CPA6: variants seen among roughly 807,000 people sequenced by gnomAD.
CPA6 encodes carboxypeptidase A6.
Under a neutral mutation model 63.3 loss-of-function variants are expected in CPA6, and 58 were observed. The observed-to-expected ratio is 0.92, with a 90% CI of 0.74 to 1.14. CPA6 has a LOEUF of 1.14. Ranked by LOEUF, CPA6 falls within the 50% of genes most tolerant of loss-of-function variation. CPA6 has a pLI of 0.00. For missense variants in CPA6, 565 were observed against 526.6 expected, an observed-to-expected ratio of 1.07 and a Z score of -0.71; for synonymous variants, 185 against 179.0, an observed-to-expected ratio of 1.03 and a Z score of -0.27.
chr8:67,703,779 G>C (rs1431560790), intron 1 of CPA6, among the ~76,000 whole-genome samples: 1 of 152,162 alleles, frequency 6.6e-6, no homozygotes, highest in African/African-American at 2.4e-5. Context: ...CAGAACCCCA[G>C]CTCTGCCAGC....
intron 2 of CPA6, among the ~76,000 whole-genome samples, chr8:67,596,937 G>T (rs1267108904): frequency 6.6e-6 from 1 of 152,158 alleles, no homozygotes; most frequent in Non-Finnish European, 1.5e-5. Flanking sequence ...ATTACAAAGT[G>T]ATATGTCCTT....
At chr8:67,687,696 C>T (rs1232724634) in intron 1 of CPA6, among the ~76,000 whole-genome samples, 2 of 152,132 alleles carry the variant, frequency 1.3e-5, no homozygotes, top group African/African-American at 4.8e-5. Flanking sequence ...GATTCAGTTT[C>T]TGGCTCTTTC....
At chr8:67,513,187 A>G (rs887048184) in intron 3 of CPA6, among the ~76,000 whole-genome samples, 1 of 152,194 alleles carries the variant, frequency 6.6e-6, no homozygotes, top group Non-Finnish European at 1.5e-5. Flanking sequence ...TCTGAACACC[A>G]TCTGTATTAG....
chr8:67,607,805 A>G (rs1343433783), intron 2 of CPA6, among the ~76,000 whole-genome samples: 2 of 152,202 alleles, frequency 1.3e-5, no homozygotes. Flanking sequence ...TGCTAAGCTC[A>G]GGCTATACAC....
chr8:67,641,697 C>G (rs916416901), intron 1 of CPA6, among the ~76,000 whole-genome samples: 4 of 152,028 alleles, frequency 2.6e-5, no homozygotes, highest in Non-Finnish European at 5.9e-5. Flanking sequence ...GATGCTATGA[C>G]CATCGTTTGT....
intron 1 of CPA6, among the ~76,000 whole-genome samples, chr8:67,650,836 G>A (rs1815820397): frequency 6.6e-6 from 1 of 152,120 alleles, no homozygotes; most frequent in Admixed American, 6.6e-5. Flanking sequence ...TGCCAGCAGG[G>A]GACCACTTGG....
intron 1 of CPA6, among the ~76,000 whole-genome samples, chr8:67,687,884 G>A (rs1054930332): frequency 6.6e-6 from 1 of 152,156 alleles, no homozygotes; most frequent in African/African-American, 2.4e-5. Context: ...GCAAGGTTTT[G>A]TAAGATTTAA....
intron 1 of CPA6, among the ~76,000 whole-genome samples, chr8:67,651,974 T>C (rs1445836535): frequency 6.6e-6 from 1 of 151,342 alleles, no homozygotes; most frequent in Non-Finnish European, 1.5e-5. Flanking sequence ...TTCCCACCTA[T>C]GAGTGAGAAC....
chr8:67,525,378 T>TG (rs1812340339), intron 2 of CPA6, among the ~76,000 whole-genome samples: 1 of 152,160 alleles, frequency 6.6e-6, no homozygotes, highest in Non-Finnish European at 1.5e-5. Context: ...TAAAAATTGG[T>TG]GGGGGCCCAA....
chr8:67,449,284 A>G (rs1810502449), intron 8 of CPA6, among the ~76,000 whole-genome samples: 1 of 152,144 alleles, frequency 6.6e-6, no homozygotes, highest in South Asian at 2.1e-4. Context: ...GCATGTGTGG[A>G]TCAATTATTG....
At chr8:67,606,661 C>A (rs571893992) in intron 2 of CPA6, among the ~76,000 whole-genome samples, 2 of 152,174 alleles carry the variant, frequency 1.3e-5, no homozygotes, top group Non-Finnish European at 2.9e-5. Context: ...CCTGTCTCTG[C>A]GGGCATGACA....
intron 2 of CPA6, among the ~76,000 whole-genome samples, chr8:67,590,517 G>T (rs1208054383): frequency 6.6e-6 from 1 of 150,426 alleles, no homozygotes; most frequent in Non-Finnish European, 1.5e-5. Flanking sequence ...CAGTGTAAAA[G>T]TGTTCCTATT....
At chr8:67,742,823 G>GATGT (rs1817937502) in intron 1 of CPA6, among the ~76,000 whole-genome samples, 1 of 152,296 alleles carries the variant, frequency 6.6e-6, no homozygotes, top group East Asian at 1.9e-4. Context: ...GCTGACACAT[G>GATGT]AAGAAGGCAC....
chr8:67,453,371 G>A (rs994472565), intron 8 of CPA6, among the ~76,000 whole-genome samples: 1 of 152,198 alleles, frequency 6.6e-6, no homozygotes, highest in African/African-American at 2.4e-5. Context: ...GAAGGATGGA[G>A]TTGCCATCAA....
chr8:67,737,197 C>CG (rs1817829061), intron 1 of CPA6, among the ~76,000 whole-genome samples: 1 of 152,182 alleles, frequency 6.6e-6, no homozygotes, highest in Non-Finnish European at 1.5e-5. Context: ...CCTTCCCTCC[C>CG]GCCTCCTGAC....
intron 8 of CPA6, among the ~76,000 whole-genome samples, chr8:67,475,821 TC>T (rs1811181865): frequency 2.7e-5 from 1 of 37,726 alleles, no homozygotes; most frequent in Non-Finnish European, 4.8e-5. Flanking sequence ...TTCTTTCCTT[TC>T]TTTTCTTTCT....
intron 8 of CPA6, among the ~76,000 whole-genome samples, chr8:67,436,166 C>T (rs1238317928): frequency 6.6e-6 from 1 of 152,164 alleles, no homozygotes; most frequent in African/African-American, 2.4e-5. Flanking sequence ...GCAATTCTCA[C>T]CTTCAAAGAG....
chr8:67,716,857 T>C (rs1006613410), intron 1 of CPA6, among the ~76,000 whole-genome samples: 3 of 152,276 alleles, frequency 2.0e-5, no homozygotes, highest in Middle Eastern at 3.4e-3. Context: ...CAGCTGTTCA[T>C]AGTAGCTGAA....
At chr8:67,743,805 C>T (rs1198978846) in intron 1 of CPA6, among the ~76,000 whole-genome samples, 1 of 152,126 alleles carries the variant, frequency 6.6e-6, no homozygotes, top group Non-Finnish European at 1.5e-5. Context: ...TGCTCAGGGT[C>T]CTGTAAATGA....
Sources: gnomAD v4.1 joint callset for allele counts (sites outside exome capture counted in the v4.1 genomes callset) on GRCh38, gnomAD v4.1.1 for gene constraint, MANE v1.5 for transcripts, NCBI Gene and HGNC (gene_info 2026-07-23, HGNC 2026-07-21) for gene names.